Variants in CD300LB observed in about 807,000 individuals in gnomAD.
CD300LB encodes CMRF35-like molecule 7.
In CD300LB, 18 loss-of-function variants were observed where a neutral mutation model predicts 20.8. That is an observed-to-expected ratio of 0.87 (90% CI 0.60 to 1.28). CD300LB has a LOEUF of 1.28. CD300LB is among the 50% of genes most tolerant of loss of function. CD300LB has a pLI of 0.00. For missense variants in CD300LB, 222 were observed against 251.8 expected (o/e 0.88, Z 0.80); for synonymous variants, 91 against 91.3 (o/e 1.00, Z 0.02).
At position 74,522,447 on chromosome 17, in the gene CD300LB, T is replaced by G. The variant is rs1232248065; in HGVS notation, c.*291A>C. 4 of 1,127,000 alleles carry G rather than the reference T, an allele frequency of 3.5e-6. No homozygotes were observed. The highest frequency in any genetic ancestry group is 4.4e-6 in the Non-Finnish European group (4 of 916,902). The allele number at this position is 1,127,000 out of a possible 1,614,324, so 69.8% of individuals were successfully genotyped here. On this transcript the variant is annotated 3_prime_UTR_variant, in exon 4 of 4. Transcript: ENST00000392621. ...TTGGTCCCATGCTCTGTGCCCGAGT[T>G]ATTCCAGCAGTGGGGACAGAGTCGT...
intron 1 of CD300LB, among the ~76,000 whole-genome samples, chr17:74,529,666 C>T (rs1282694047): frequency 2.0e-5 from 3 of 152,134 alleles, no homozygotes. Flanking sequence ...TGGCAGGCAC[C>T]TTAATCCCAG....
At position 74,525,685 on chromosome 17, in the gene CD300LB, A is replaced by G. The variant is rs192993835; in HGVS notation, c.370+63T>C. 2,188 of 1,423,896 alleles carry G rather than the reference A, an allele frequency of 1.5e-3. 7 individuals carry two copies. Among genetic ancestry groups the G allele is most frequent in the Non-Finnish European group, 9.8e-4 (1,008 of 1,023,516 alleles). The allele number at this position is 1,423,896 out of a possible 1,614,324, so 88.2% of individuals were successfully genotyped here. A position where few individuals can be genotyped will look rare whatever the true frequency, so the allele number is the denominator to read the frequency against. On this transcript the variant is annotated intron_variant, in intron 2 of 3. Coordinates refer to ENST00000392621, the MANE Select transcript of CD300LB (RefSeq NM_174892.4). ...TTTCAGCCTTGGAGGGGAGCAGGTAAGAGCACTGACTTTCCCAGCCCTGAG... is the reference window on the plus strand; with the variant it reads ...TTTCAGCCTTGGAGGGGAGCAGGTAGGAGCACTGACTTTCCCAGCCCTGAG...
chr17:74,524,844 T>C (rs1598126998), intron 2 of CD300LB, among the ~76,000 whole-genome samples: 1 of 152,166 alleles, frequency 6.6e-6, no homozygotes, highest in Non-Finnish European at 1.5e-5. Flanking sequence ...ATCCCCTCTC[T>C]GCCCCCATAG....
intron 1 of CD300LB, among the ~76,000 whole-genome samples, chr17:74,529,709 G>A (rs537334917): frequency 3.3e-5 from 5 of 152,230 alleles, no homozygotes; most frequent in South Asian, 2.1e-4. Context: ...AGAATCACTC[G>A]AACCTGGGAG....
At chr17:74,528,120 T>C (rs1401951372) in intron 1 of CD300LB, among the ~76,000 whole-genome samples, 2 of 152,016 alleles carry the variant, frequency 1.3e-5, no homozygotes, top group Non-Finnish European at 2.9e-5. Flanking sequence ...GTAAACAAGC[T>C]TAGGGCTCCC....
chr17:74,522,603 G>A lies in CD300LB; in HGVS notation c.*135C>T. On this transcript the variant is annotated 3_prime_UTR_variant, in exon 4 of 4. Transcript: ENST00000392621. ...GTGCAGAACAGGGAGGTGCCCACCA[G>A]CTCCAAGGCCAGGGCGGAGGCCCAG... The A allele has an allele frequency of 6.7e-7, 1 of 1,486,148 alleles. No individual in the cohort carries two copies. The highest frequency in any genetic ancestry group is 8.9e-7 in the Non-Finnish European group (1 of 1,121,860). The allele number at this position is 1,486,148 out of a possible 1,614,324, so 92.1% of individuals were successfully genotyped here.
Position 74,529,734 on chromosome 17 carries a change from G to A in CD300LB, c.40+1577C>T, listed in dbSNP as rs973320310. On this transcript the variant is annotated intron_variant, in intron 1 of 3. Coordinates refer to ENST00000392621, the MANE Select transcript of CD300LB (RefSeq NM_174892.4). ...GAACCTGGGAGGCGGAGGTTGCAGT[G>A]AGCCAAGGTTGCACCACTGCACTCC... 3.3e-5 allele frequency among the ~76,000 whole-genome samples: 5 copies of A among 152,306 alleles called. No homozygotes were observed. The South Asian group carries it at 1.0e-3, about 32-fold the overall frequency.
chr17:74,523,424 G>C (rs548299347), intron 3 of CD300LB, 155 bp downstream of exon 3: 1 of 648,338 alleles, frequency 1.5e-6, no homozygotes, highest in South Asian at 1.7e-5. Flanking sequence ...GTGGATTGCA[G>C]TGATGGGGGC....
rs561751347 is a variant in CD300LB at position 74,529,380 on chromosome 17, C to T, written c.40+1931G>A. The stretch of plus-strand genomic sequence containing the variant: ...TCCAACCTCATATCCAACTCGCCAC[C>T]CCCAAGATGTCCTGCACACTGACAG... On this transcript the variant is annotated intron_variant, in intron 1 of 3. Coordinates refer to ENST00000392621, the MANE Select transcript of CD300LB (RefSeq NM_174892.4). Among the ~76,000 whole-genome samples, 6 of 152,244 alleles carry T rather than the reference C, an allele frequency of 3.9e-5. No homozygotes were observed. The South Asian group carries it at 1.2e-3, about 32-fold the overall frequency.
intron 3 of CD300LB, chr17:74,523,237 A>G: frequency 2.0e-6 from 1 of 506,502 alleles, no homozygotes; most frequent in Non-Finnish European, 3.6e-6. Context: ...CAGGCTGGTA[A>G]ATCACCCTTC....
chr17:74,524,708 C>T (rs1161352965), intron 2 of CD300LB, among the ~76,000 whole-genome samples: 2 of 152,170 alleles, frequency 1.3e-5, no homozygotes, highest in Non-Finnish European at 2.9e-5. Flanking sequence ...CTATGGAGCC[C>T]CTGATCGTTT....
Position 74,531,189 on chromosome 17 carries a change from C to T in CD300LB, c.40+122G>A, listed in dbSNP as rs1462408891. 7 of 1,158,802 alleles carry T rather than the reference C, an allele frequency of 6.0e-6. No individual in the cohort carries two copies. In the East Asian group the frequency reaches 2.0e-4, roughly 33 times the overall value. The allele number at this position is 1,158,802 out of a possible 1,614,324, so 71.8% of individuals were successfully genotyped here. A position where few individuals can be genotyped will look rare whatever the true frequency, so the allele number is the denominator to read the frequency against. ...AAGCACACGATGTCAGTCCCCAGTG[C>T]ACCTTTGTCGAATGACTTCACAAAG... is the stretch of plus-strand genomic sequence containing the variant. On this transcript the variant is annotated intron_variant, in intron 1 of 3. Transcript: ENST00000392621.
chr17:74,526,403 C>T (rs775506464), intron 1 of CD300LB, among the ~76,000 whole-genome samples: 5 of 152,254 alleles, frequency 3.3e-5, no homozygotes, highest in African/African-American at 4.8e-5. Flanking sequence ...ACAACCAGCC[C>T]TCTGGGGGAA....
chr17:74,529,148 T>C (rs1485512153), intron 1 of CD300LB, among the ~76,000 whole-genome samples: 1 of 151,936 alleles, frequency 6.6e-6, no homozygotes, highest in Non-Finnish European at 1.5e-5. Context: ...ATTATTTATT[T>C]TTAAATTTAA....
rs1190797495 is a variant in CD300LB, at chr17:74,525,733, T to A, written c.370+15A>T. Reference sequence around the variant, plus strand: ...GAGCTCCAGGGCCTCCTTGTGTAGATGAGAAAGTTCTTACCTGGGTCAACG... The same window carrying A: ...GAGCTCCAGGGCCTCCTTGTGTAGAAGAGAAAGTTCTTACCTGGGTCAACG... On this transcript the variant is annotated intron_variant, in intron 2 of 3. Transcript: ENST00000392621. 1 of 1,608,238 alleles carries A rather than the reference T, an allele frequency of 6.2e-7. No homozygotes were observed. The highest frequency in any genetic ancestry group is 8.5e-7 in the Non-Finnish European group (1 of 1,176,346).
In CD300LB at chr17:74,531,281, C is replaced by T. The variant is rs780650965; in HGVS notation, c.40+30G>A. On this transcript the variant is annotated intron_variant, in intron 1 of 3. Coordinates refer to ENST00000392621, the MANE Select transcript of CD300LB (RefSeq NM_174892.4). ...TGCCTCCTGCCCTGCCCCTGTCATA[C>T]CAAGCGCCCAAGGCCCCAGCCCCAC... The T allele has an allele frequency of 2.0e-6, 3 of 1,521,206 alleles. No homozygotes were observed. In the African/African-American group the frequency reaches 4.2e-5, roughly 21 times the overall value. 94.2% of individuals were successfully genotyped at this position (1,521,206 alleles called of 1,614,324 possible).
intron 1 of CD300LB, among the ~76,000 whole-genome samples, chr17:74,531,086 T>A (rs1908198269): frequency 6.6e-6 from 1 of 152,242 alleles, no homozygotes; most frequent in Non-Finnish European, 1.5e-5. Flanking sequence ...ATTATAGGTG[T>A]GAGCCATGGC....
At chr17:74,525,692 T>G (rs999369483) in intron 2 of CD300LB, 56 bp downstream of exon 2, 5 of 1,512,412 alleles carry the variant, frequency 3.3e-6, no homozygotes, top group Middle Eastern at 1.7e-4. Context: ...GTAAGAGCAC[T>G]GACTTTCCCA....
Position 74,525,947 on chromosome 17 carries a change from T to C in CD300LB, c.171A>G (p.Thr57=). 4 of 1,614,152 alleles carry C rather than the reference T, an allele frequency of 2.5e-6. No homozygotes were observed. Among genetic ancestry groups the C allele is most frequent in the Middle Eastern group, 1.6e-4 (1 of 6,062 alleles). The part of the protein sequence containing the change: ...KWWCRGVRWD[T]CKILIETRGS... The stretch of plus-strand genomic sequence containing the variant: ...CTCTGGTTTCAATGAGGATCTTGCA[T>C]GTATCCCAGCGCACCCCTCGGCACC... Residue 57 remains threonine (T), a synonymous_variant, in exon 2 of 4, where the codon ACA becomes ACG. Transcript: ENST00000392621.
Sources: allele counts gnomAD v4.1 joint callset (sites outside exome capture counted in the v4.1 genomes callset), GRCh38; gene constraint gnomAD v4.1.1; transcripts MANE v1.5; gene names NCBI Gene and HGNC (gene_info 2026-07-23, HGNC 2026-07-21).